RAPGEF2: variants seen among roughly 807,000 people sequenced by gnomAD.
The protein encoded by RAPGEF2 is Rap guanine nucleotide exchange factor 2.
Under a neutral mutation model 186.7 loss-of-function variants are expected in RAPGEF2, and 54 were observed. The observed-to-expected ratio is 0.29, with a 90% confidence interval of 0.23 to 0.36. The LOEUF (loss-of-function observed/expected upper bound fraction) is 0.36, where lower values mean the gene tolerates loss of function less well. Among genes scored for constraint, RAPGEF2 ranks in the 10% least tolerant of loss-of-function variants. The probability of loss-of-function intolerance (pLI) is 1.00; values close to 1 mark genes in which losing one functional copy is unlikely to be tolerated. For missense variants in RAPGEF2, 1,532 were observed against 2,045.0 expected (o/e 0.75, Z 4.84); for synonymous variants, 712 against 705.9 (o/e 1.01, Z -0.14).
intron 3 of RAPGEF2, among the ~76,000 whole-genome samples, chr4:159,204,016 G>A (rs559326352): frequency 6.6e-6 from 1 of 152,326 alleles, no homozygotes; most frequent in East Asian, 1.9e-4. Flanking sequence ...CTCTGCCAGG[G>A]GGTTTGGACC....
chr4:159,273,642 CTTTCTTTCTTTCTT>C (rs950142307), intron 7 of RAPGEF2, among the ~76,000 whole-genome samples: 2 of 109,518 alleles, frequency 1.8e-5, no homozygotes, highest in African/African-American at 7.3e-5. Context: ...TTCTTTCTTT[CTTTCTTTCTTTCTT>C]TCTTTCTTTC....
intron 1 of RAPGEF2, among the ~76,000 whole-genome samples, chr4:159,164,572 A>G (rs1745093274): frequency 6.6e-6 from 1 of 152,162 alleles, no homozygotes. Context: ...AATTTCATGG[A>G]AATTAGAGAT....
intron 2 of RAPGEF2, 43 bp downstream of exon 2, chr4:159,186,755 T>C (rs1278492476): frequency 8.9e-7 from 1 of 1,129,178 alleles, no homozygotes; most frequent in African/African-American, 1.6e-5. Context: ...ATGGTAAAAA[T>C]TTGAAGCATG....
chr4:159,282,740 A>G, intron 7 of RAPGEF2: 2 of 383,130 alleles, frequency 5.2e-6, no homozygotes, highest in South Asian at 2.0e-5. Context: ...AACTTAATAT[A>G]GATTATAGAA....
chr4:159,115,796 C>T (rs564593680), intron 1 of RAPGEF2, among the ~76,000 whole-genome samples: 1 of 152,302 alleles, frequency 6.6e-6, no homozygotes, highest in African/African-American at 2.4e-5. Flanking sequence ...CTACAACCAT[C>T]TGATCTTTGA....
chr4:159,257,808 T>C (rs1311955038), intron 7 of RAPGEF2, among the ~76,000 whole-genome samples: 2 of 152,224 alleles, frequency 1.3e-5, no homozygotes, highest in Non-Finnish European at 2.9e-5. Context: ...AACAGTACCA[T>C]GCTGTTTTGG....
intron 25 of RAPGEF2, among the ~76,000 whole-genome samples, chr4:159,349,929 G>A (rs770480979): frequency 9.2e-5 from 14 of 152,164 alleles, no homozygotes; most frequent in Non-Finnish European, 1.6e-4. Context: ...GCAGATATCA[G>A]TCTGAAACCA....
chr4:159,338,219 T>A (rs535703657), intron 17 of RAPGEF2, 92 bp from the exon 18 acceptor site: 23 of 1,155,698 alleles, frequency 2.0e-5, no homozygotes, highest in East Asian at 2.6e-5. Context: ...AAAAAAAAAA[T>A]GGAATATGGT....
chr4:159,126,859 G>C (rs556009736), intron 1 of RAPGEF2, among the ~76,000 whole-genome samples: 122 of 152,260 alleles, frequency 8.0e-4, no homozygotes, highest in Non-Finnish European at 1.6e-3. Context: ...TTGTCAAGTA[G>C]AACCCCATTC....
rs115201317 is a variant in RAPGEF2 at position 159,259,332 on chromosome 4, A to G, written c.543+15541A>G. ...CTTTTGAAGAAAGAGACTGGGGCAT[A>G]GAATGTCCAATGTCCAATATCCAGA... is the stretch of plus-strand genomic sequence containing the variant. On this transcript the variant is annotated intron_variant, in intron 7 of 29. Coordinates refer to ENST00000691494, the MANE Select transcript of RAPGEF2 (RefSeq NM_001394067.2). 4.2e-3 allele frequency among the ~76,000 whole-genome samples: 641 copies of G among 152,352 alleles called. 2 individuals carry two copies. The highest frequency in any genetic ancestry group is 0.014 in the African/African-American group (601 of 41,580).
At chr4:159,250,849 C>G (rs1755248603) in intron 7 of RAPGEF2, among the ~76,000 whole-genome samples, 3 of 152,146 alleles carry the variant, frequency 2.0e-5, no homozygotes, top group Admixed American at 2.0e-4. Flanking sequence ...CAGACCGCCA[C>G]TGCGCTATGG....
intron 11 of RAPGEF2, among the ~76,000 whole-genome samples, chr4:159,325,603 G>T (rs1246171120): frequency 3.3e-5 from 5 of 150,634 alleles, no homozygotes; most frequent in South Asian, 2.1e-4. Context: ...AAGTTTGTTT[G>T]TTTTTTTTTG....
intron 4 of RAPGEF2, among the ~76,000 whole-genome samples, chr4:159,218,645 C>T (rs148639713): frequency 1.9e-4 from 29 of 152,126 alleles, no homozygotes; most frequent in African/African-American, 6.5e-4. Flanking sequence ...GTAGTCCCAG[C>T]TACTCGGGAG....
chr4:159,150,383 C>A (rs973642655), intron 1 of RAPGEF2, among the ~76,000 whole-genome samples: 1 of 152,094 alleles, frequency 6.6e-6, no homozygotes, highest in African/African-American at 2.4e-5. Flanking sequence ...ACATTAAACT[C>A]CTGGCCAGGA....
At chr4:159,250,392 TA>T (rs1755170865) in intron 7 of RAPGEF2, among the ~76,000 whole-genome samples, 1 of 152,186 alleles carries the variant, frequency 6.6e-6, no homozygotes, top group South Asian at 2.1e-4. Flanking sequence ...ATAGCTGGCC[TA>T]GGGGAGAAAT....
chr4:159,345,207 A>G lies in RAPGEF2; in HGVS notation c.3380A>G (p.Lys1127Arg). The G allele has an allele frequency of 1.2e-6, 2 of 1,614,182 alleles. No homozygotes were observed. The highest frequency in any genetic ancestry group is 1.7e-6 in the Non-Finnish European group (2 of 1,179,998). ...CGTAGTTCCTTTCTCAATGCCAAAA[A>G]GCTTTATGAAGATGCCCAAATGGCT... ...VRRSSFLNAK[K>R]LYEDAQMARK... The change falls in exon 24 of 30, where the codon AAG becomes AGG. Residue 1127 changes from lysine (K) to arginine (R), a missense_variant. This residue lies in a region of RAPGEF2 where 117 missense variants were observed against 180.8 expected (regional missense o/e 0.65). Transcript: ENST00000691494.
At position 159,113,838 on chromosome 4, in the gene RAPGEF2, T is replaced by C. The variant is rs142136186; in HGVS notation, c.69+9607T>C. Among the ~76,000 whole-genome samples the C allele has an allele frequency of 2.2e-4, 33 of 152,204 alleles. No homozygotes were observed. In the East Asian group the frequency reaches 6.0e-3, roughly 28 times the overall value. On this transcript the variant is annotated intron_variant, in intron 1 of 29. Coordinates refer to ENST00000691494, the MANE Select transcript of RAPGEF2 (RefSeq NM_001394067.2). ...TTTTAAGTGAATATTTTGTATGTATTGAACCACTAGTAAAATGGTTGAGGC... is the reference window on the plus strand; with the variant it reads ...TTTTAAGTGAATATTTTGTATGTATCGAACCACTAGTAAAATGGTTGAGGC...
chr4:159,127,248 A>T (rs1352482565), intron 1 of RAPGEF2, among the ~76,000 whole-genome samples: 1 of 152,160 alleles, frequency 6.6e-6, no homozygotes, highest in Non-Finnish European at 1.5e-5. Context: ...GCTGGTTTTG[A>T]ATTCCTGACC....
intron 7 of RAPGEF2, among the ~76,000 whole-genome samples, chr4:159,284,220 G>A (rs930855125): frequency 1.3e-5 from 2 of 152,026 alleles, no homozygotes; most frequent in African/African-American, 4.8e-5. Flanking sequence ...ATGGAGAAAA[G>A]CACCTACCTT....
Sources: gnomAD v4.1 joint callset for allele counts (sites outside exome capture counted in the v4.1 genomes callset) on GRCh38, gnomAD v4.1.1 for gene constraint, gnomAD v4.1.1 regional missense constraint, MANE v1.5 for transcripts, NCBI Gene and HGNC (gene_info 2026-07-23, HGNC 2026-07-21) for gene names.